The following FOLH1 variants were observed in gnomAD, a reference collection of about 807,000 sequenced individuals.
FOLH1 encodes the protein glutamate carboxypeptidase 2.
FOLH1 carries 54 observed loss-of-function variants against 93.9 expected under a neutral mutation model. That is an observed-to-expected ratio of 0.57 (90% confidence interval 0.46 to 0.72). FOLH1 has a LOEUF of 0.72. FOLH1 is among the 30% of genes least tolerant of loss of function. The probability of loss-of-function intolerance (pLI) is 0.00; values close to 1 mark genes in which losing one functional copy is unlikely to be tolerated. For synonymous variants in FOLH1, 249 were observed against 303.6 expected, an observed-to-expected ratio of 0.82 and a Z score of 1.87; for missense variants, 571 against 892.5, an observed-to-expected ratio of 0.64 and a Z score of 4.59.
intron 4 of FOLH1, among the ~76,000 whole-genome samples, chr11:49,192,561 G>A (rs866786223): frequency 3.3e-5 from 5 of 152,144 alleles, no homozygotes; most frequent in Admixed American, 6.5e-5. Flanking sequence ...ATCAATAAAT[G>A]TGCATTTGGG....
intron 13 of FOLH1, 132 bp downstream of exon 13, chr11:49,164,573 A>C: frequency 1.6e-6 from 1 of 626,748 alleles, no homozygotes; most frequent in Non-Finnish European, 2.9e-6. Context: ...TGGTCTGTGA[A>C]GATGTGATGT....
rs1039731730 is a variant in FOLH1 at position 49,186,578 on chromosome 11, A to G, written c.639+66T>C. 6 of 1,501,126 alleles carry G rather than the reference A, an allele frequency of 4.0e-6. No individual in the cohort carries two copies. In the African/African-American group the frequency reaches 5.6e-5, roughly 14 times the overall value. 93.0% of individuals were successfully genotyped at this position (1,501,126 alleles called of 1,614,324 possible). A position where few individuals can be genotyped will look rare whatever the true frequency, so the allele number is the denominator to read the frequency against. On this transcript the variant is annotated intron_variant, in intron 5 of 18. Transcript: ENST00000256999. ...TAAAGTTTTAAGAAAATGATTCTAC[A>G]CATGTAAAACCCACTATAACTTTTT...
Position 49,185,822 on chromosome 11 carries a change from C to T in FOLH1, c.673G>A (p.Val225Ile). ...KNAQLAGAKG[V>I]ILYSDPADYF... ...TCAGCAGGGTCGGAGTAGAGAATGA[C>T]TCCTTTGGCCCCTGCCAGCTGGGCA... Residue 225 changes from valine (V) to isoleucine (I), a missense_variant, in exon 6 of 19, where the codon GTC becomes ATC. Physicochemically the swap from Val to Ile is conservative, Grantham distance 29. Around this residue, in one of 2 missense-constraint regions of FOLH1, gnomAD observed 500 missense variants for 822.9 expected, o/e 0.61. Coordinates refer to ENST00000256999, the MANE Select transcript of FOLH1 (RefSeq NM_004476.3). The T allele has an allele frequency of 2.5e-6, 4 of 1,570,104 alleles. No individual in the cohort carries two copies. The highest frequency in any genetic ancestry group is 1.7e-4 in the Middle Eastern group (1 of 5,810).
At position 49,178,466 on chromosome 11, in the gene FOLH1, A is replaced by G. The variant is rs36035482; in HGVS notation, c.921-2509T>C. ...TTTCCATAAAACAACACAATATAAAACCACGATTGTAGTGTCCCCACAAGG... is the reference window on the plus strand; with the variant it reads ...TTTCCATAAAACAACACAATATAAAGCCACGATTGTAGTGTCCCCACAAGG... On this transcript the variant is annotated intron_variant, in intron 7 of 18. Coordinates refer to ENST00000256999, the MANE Select transcript of FOLH1 (RefSeq NM_004476.3). 5.3e-5 allele frequency among the ~76,000 whole-genome samples: 8 copies of G among 152,324 alleles called. No individual in the cohort carries two copies. In the South Asian group the frequency reaches 1.4e-3, roughly 28 times the overall value.
Position 49,197,490 on chromosome 11 carries a change from AT to A in FOLH1, c.411+2764del, listed in dbSNP as rs5791877. Among the ~76,000 whole-genome samples the A allele has an allele frequency of 5.1e-3, 784 of 152,330 alleles. 4 individuals carry two copies. The highest frequency in any genetic ancestry group is 0.018 in the African/African-American group (762 of 41,570). On this transcript the variant is annotated intron_variant, in intron 3 of 18. Transcript: ENST00000256999. Reference sequence around the variant, plus strand: ...TTTTGTGACATAAAAAAGTCAATATATAGTTAAATCTTTATGGGATGTTATT... The same window carrying A: ...TTTTGTGACATAAAAAAGTCAATATAAGTTAAATCTTTATGGGATGTTATT...
intron 1 of FOLH1, 127 bp downstream of exon 1, chr11:49,208,165 C>T (rs374389307): frequency 9.9e-6 from 7 of 709,288 alleles, no homozygotes; most frequent in Middle Eastern, 8.1e-4. Context: ...CCACATTACC[C>T]CGACCCTAAT....
At chr11:49,148,772 A>G in intron 17 of FOLH1, 41 bp from the exon 18 acceptor site, 1 of 1,489,850 alleles carries the variant, frequency 6.7e-7, no homozygotes, top group African/African-American at 1.4e-5. Flanking sequence ...TCATGAAAAT[A>G]TGTTTCTACT....
At position 49,186,827 on chromosome 11, in the gene FOLH1, G is replaced by T. The variant is rs61886509; in HGVS notation, c.514-58C>A. 75 of 1,522,720 alleles carry T rather than the reference G, an allele frequency of 4.9e-5. No homozygotes were observed. The African/African-American group carries it at 8.7e-4, about 18-fold the overall frequency. The allele number at this position is 1,522,720 out of a possible 1,614,324, so 94.3% of individuals were successfully genotyped here. ...AGATATAAAACAAGGAGGTTTTTCT[G>T]CATGGGGACTGTTGGACATTTTTGA... On this transcript the variant is annotated intron_variant, in intron 4 of 18. Coordinates refer to ENST00000256999, the MANE Select transcript of FOLH1 (RefSeq NM_004476.3).
At chr11:49,167,163 A>T (rs1426783057) in intron 12 of FOLH1, among the ~76,000 whole-genome samples, 1 of 152,254 alleles carries the variant, frequency 6.6e-6, no homozygotes, top group Non-Finnish European at 1.5e-5. Context: ...ACATGTATAT[A>T]TTTCACCTTA....
At chr11:49,196,364 G>T (rs1862616518) in intron 3 of FOLH1, among the ~76,000 whole-genome samples, 2 of 151,938 alleles carry the variant, frequency 1.3e-5, no homozygotes. Flanking sequence ...CAGAGTCAAG[G>T]CCAACTGGTT....
intron 13 of FOLH1, among the ~76,000 whole-genome samples, chr11:49,160,191 C>T (rs546667718): frequency 1.9e-4 from 29 of 152,102 alleles, no homozygotes; most frequent in Admixed American, 7.2e-4. Flanking sequence ...TCATTTCTGA[C>T]GGTGTTTATT....
chr11:49,187,743 A>G (rs1861579266), intron 4 of FOLH1, among the ~76,000 whole-genome samples: 1 of 152,242 alleles, frequency 6.6e-6, no homozygotes, highest in Non-Finnish European at 1.5e-5. Context: ...GCTGCAGGGA[A>G]GGCTCTCTGC....
chr11:49,165,627 A>G (rs202673), intron 12 of FOLH1, among the ~76,000 whole-genome samples: 27,790 of 151,914 alleles, frequency 0.18, 2,985 homozygotes, highest in African/African-American at 0.29. Flanking sequence ...AGTTGGGGGG[A>G]AAAATGGTAT....
At chr11:49,207,645 A>C (rs1864126603) in intron 1 of FOLH1, 1 of 318,610 alleles carries the variant, frequency 3.1e-6, no homozygotes, top group African/African-American at 2.2e-5. Context: ...ATTTGCAGAT[A>C]ATATTATCCT....
chr11:49,201,332 T>C (rs1863234620), intron 2 of FOLH1, among the ~76,000 whole-genome samples: 1 of 150,240 alleles, frequency 6.7e-6, no homozygotes, highest in Non-Finnish European at 1.5e-5. Context: ...TGTAGCTTTA[T>C]AAAATCAACA....
intron 4 of FOLH1, 35 bp from the exon 5 acceptor site, chr11:49,186,804 A>G (rs776975754): frequency 3.2e-6 from 5 of 1,547,258 alleles, no homozygotes; most frequent in Non-Finnish European, 4.3e-6. Flanking sequence ...TATGAGTCAG[A>G]TATAAAACAA....
chr11:49,146,551 C>A lies in FOLH1; in HGVS notation c.*205G>T, dbSNP rs186321020. On this transcript the variant is annotated 3_prime_UTR_variant, in exon 19 of 19. Transcript: ENST00000256999. ...TTAAATTTTTCCACTTCAGAATAAC[C>A]TCTTATAATTATGAAATTCAGTTTT... 1.0e-5 allele frequency: 5 copies of A among 488,246 alleles called. No individual in the cohort carries two copies. Among genetic ancestry groups the A allele is most frequent in the Non-Finnish European group, 1.3e-5 (4 of 299,344 alleles). The allele number at this position is 488,246 out of a possible 1,614,324, so 30.2% of individuals were successfully genotyped here.
chr11:49,161,154 A>G lies in FOLH1; in HGVS notation c.1441-3111T>C, dbSNP rs557570306. Among the ~76,000 whole-genome samples the G allele has an allele frequency of 6.6e-5, 10 of 152,288 alleles. No homozygotes were observed. In the South Asian group the frequency reaches 2.1e-3, roughly 32 times the overall value. On this transcript the variant is annotated intron_variant, in intron 13 of 18. Coordinates refer to ENST00000256999, the MANE Select transcript of FOLH1 (RefSeq NM_004476.3). Reference sequence around the variant, plus strand: ...GATATCTATCAGGTCCATTTGATCCAGTACTCAGTTTAGGCCATGAATATC... The same window carrying G: ...GATATCTATCAGGTCCATTTGATCCGGTACTCAGTTTAGGCCATGAATATC...
chr11:49,197,101 C>G (rs1262970434), intron 3 of FOLH1, among the ~76,000 whole-genome samples: 1 of 151,918 alleles, frequency 6.6e-6, no homozygotes, highest in Non-Finnish European at 1.5e-5. Flanking sequence ...ATCTGAATCA[C>G]TAGGTAAGAT....
Sources: allele counts gnomAD v4.1 joint callset (sites outside exome capture counted in the v4.1 genomes callset), GRCh38; gene constraint gnomAD v4.1.1; regional missense constraint gnomAD v4.1.1; transcripts MANE v1.5; gene names NCBI Gene and HGNC (gene_info 2026-07-23, HGNC 2026-07-21).